CFAP74: variants seen among roughly 807,000 people sequenced by gnomAD.
The protein encoded by CFAP74 is cilia- and flagella-associated protein 74.
CFAP74 carries 124 observed loss-of-function variants against 188.9 expected under a neutral mutation model. That is an observed-to-expected ratio of 0.66 (90% CI 0.57 to 0.76). CFAP74 has a LOEUF of 0.76. CFAP74 is among the 30% of genes least tolerant of loss of function. CFAP74 has a pLI of 0.00. For synonymous variants in CFAP74, 956 were observed against 916.7 expected, an observed-to-expected ratio of 1.04 and a Z score of -0.77; for missense variants, 2,198 against 2,165.2, an observed-to-expected ratio of 1.02 and a Z score of -0.30.
At chr1:1,949,459 G>A (rs749478356) in intron 18 of CFAP74, among the ~76,000 whole-genome samples, 12 of 151,982 alleles carry the variant, frequency 7.9e-5, no homozygotes, top group Non-Finnish European at 1.5e-4. Context: ...CCGGCCAACC[G>A]CAGTACTTTC....
chr1:1,971,854 T>G, intron 9 of CFAP74, 126 bp downstream of exon 9: 1 of 704,290 alleles, frequency 1.4e-6, no homozygotes, highest in East Asian at 2.7e-5. Context: ...CCTCCAGGGG[T>G]CACCAAGTGC....
chr1:1,957,414 C>T (rs929977059), intron 16 of CFAP74, among the ~76,000 whole-genome samples: 8 of 152,226 alleles, frequency 5.3e-5, no homozygotes, highest in African/African-American at 9.6e-5. Context: ...TCGCAGAGGG[C>T]GGTCGGGGTC....
intron 4 of CFAP74, 26 bp downstream of exon 4, chr1:1,988,486 G>A: frequency 1.2e-6 from 2 of 1,606,840 alleles, no homozygotes; most frequent in Non-Finnish European, 8.5e-7. Context: ...AGAGGTGCAG[G>A]TGCAGCGGCC....
chr1:1,938,617 CCCA>C (rs1186002747), intron 25 of CFAP74, among the ~76,000 whole-genome samples: 2 of 152,154 alleles, frequency 1.3e-5, no homozygotes, highest in African/African-American at 2.4e-5. Flanking sequence ...TACATACACA[CCCA>C]CGACACACAC....
At chr1:1,989,259 C>T (rs745855861) in intron 2 of CFAP74, among the ~76,000 whole-genome samples, 1 of 152,196 alleles carries the variant, frequency 6.6e-6, no homozygotes, top group Non-Finnish European at 1.5e-5. Flanking sequence ...AAGAGTTAAG[C>T]TGCTGACCCT....
intron 1 of CFAP74, among the ~76,000 whole-genome samples, chr1:1,993,788 C>T (rs1000210071): frequency 2.9e-3 from 36 of 12,212 alleles, no homozygotes; most frequent in African/African-American, 8.4e-3. Flanking sequence ...CGAGACCATC[C>T]TGGCTAACAC....
Position 1,922,719 on chromosome 1 carries a change from A to T in CFAP74, c.4688T>A (p.Val1563Asp). The change falls in exon 38 of 39, where the codon GTT (valine) becomes GAT (aspartate). Residue 1563 changes from valine to aspartate, a missense_variant. By Grantham distance (152) the Val-to-Asp change is radical. Coordinates refer to ENST00000682832, the MANE Select transcript of CFAP74 (RefSeq NM_001304360.2). ...RTTQPSPKKT[V>D]EFSIDSVASL... Reference sequence around the variant, plus strand: ...TGCGACGCTGTCTATGCTGAACTCAACGGTCTGTGGGGTATGGGGCTCCTG... The same window carrying T: ...TGCGACGCTGTCTATGCTGAACTCATCGGTCTGTGGGGTATGGGGCTCCTG... 6.2e-7 allele frequency: 1 copy of T among 1,602,326 alleles called. No individual in the cohort carries two copies. The highest frequency in any genetic ancestry group is 8.5e-7 in the Non-Finnish European group (1 of 1,173,934).
chr1:1,981,541 C>T (rs1320334011), intron 6 of CFAP74, among the ~76,000 whole-genome samples: 1 of 124,698 alleles, frequency 8.0e-6, no homozygotes, highest in Non-Finnish European at 1.6e-5. Flanking sequence ...GACACACAGC[C>T]GCGGACAGAC....
At position 1,969,702 on chromosome 1, in the gene CFAP74, A is replaced by AC. The variant is rs894721874; in HGVS notation, c.1047-870dup. On this transcript the variant is annotated intron_variant, in intron 10 of 38. Transcript: ENST00000682832. ...TATAGGCGGTGGAGCTGCTGCCAGG[A>AC]CCCCCCCGCCCAGGTGGGCAGGCTG... is the stretch of plus-strand genomic sequence containing the variant. Among the ~76,000 whole-genome samples the AC allele has an allele frequency of 1.1e-3, 166 of 151,310 alleles. 1 individual carries two copies. The Middle Eastern group carries it at 0.024, about 22-fold the overall frequency.
At chr1:1,936,530 G>A (rs1489558612) in intron 25 of CFAP74, among the ~76,000 whole-genome samples, 2 of 151,860 alleles carry the variant, frequency 1.3e-5, no homozygotes, top group East Asian at 1.9e-4. Context: ...GCGAGAGAGC[G>A]AGAGTCCATC....
chr1:2,003,498 C>A (rs944610347), intron 1 of CFAP74, among the ~76,000 whole-genome samples: 1 of 152,164 alleles, frequency 6.6e-6, no homozygotes, highest in Non-Finnish European at 1.5e-5. Flanking sequence ...GCTGCAAAGT[C>A]AGGGGCGGGT....
At chr1:1,930,565 T>C (rs1254907414) in intron 25 of CFAP74, among the ~76,000 whole-genome samples, 3 of 152,202 alleles carry the variant, frequency 2.0e-5, no homozygotes, top group Non-Finnish European at 2.9e-5. Context: ...ATTTATTCAT[T>C]TATAAATAGA....
chr1:1,987,918 A>G (rs1657345121), intron 4 of CFAP74: 1 of 342,046 alleles, frequency 2.9e-6, no homozygotes, highest in Non-Finnish European at 5.8e-6. Context: ...GAAGTACCCA[A>G]GTTAGGTGCC....
chr1:1,939,526 C>A, intron 24 of CFAP74, 68 bp downstream of exon 24: 1 of 1,434,870 alleles, frequency 7.0e-7, no homozygotes, highest in South Asian at 1.3e-5. Context: ...GAGCAGTGGC[C>A]GCTGCATCCT....
rs1282212148 is a variant in CFAP74, at chr1:1,926,941, G to A, written c.3615C>T (p.Ala1205=). 1 of 1,550,258 alleles carries A rather than the reference G, an allele frequency of 6.5e-7. No homozygotes were observed. Among genetic ancestry groups the A allele is most frequent in the South Asian group, 1.2e-5 (1 of 84,064 alleles). ...FDTFVVPCVV[A]SGDIKDRKGS... The stretch of plus-strand genomic sequence containing the variant: ...CCTTCCTGTCTTTGATGTCGCCACT[G>A]GCAACAACACAGGGAACTACAAATG... Residue 1205 remains alanine (A), a synonymous_variant, in exon 29 of 39, where the codon GCC becomes GCT. Coordinates refer to ENST00000682832, the MANE Select transcript of CFAP74 (RefSeq NM_001304360.2).
In CFAP74 at chr1:1,944,355, T is replaced by C; in HGVS notation, c.2462A>G (p.Gln821Arg). The change falls in exon 21 of 39, where the codon CAG (glutamine) becomes CGG (arginine). Residue 821 changes from glutamine to arginine, a missense_variant. Transcript: ENST00000682832. The part of the protein sequence containing the change: ...LKICMYDRLY[Q>R]DSVLVHTRSK... ...CCGCGTGTGCACGAGCACAGAGTCCTGGTAGAGCCGGTCATACATGCAGAT... is the reference window on the plus strand; with the variant it reads ...CCGCGTGTGCACGAGCACAGAGTCCCGGTAGAGCCGGTCATACATGCAGAT... 1.3e-6 allele frequency: 2 copies of C among 1,535,796 alleles called. No individual in the cohort carries two copies. Among genetic ancestry groups the C allele is most frequent in the Non-Finnish European group, 8.7e-7 (1 of 1,146,856 alleles).
chr1:1,972,858 A>ATAG, intron 8 of CFAP74, 79 bp downstream of exon 8: 1 of 941,260 alleles, frequency 1.1e-6, no homozygotes. Flanking sequence ...ATAAATAATA[A>ATAG]AATCAGGGCA....
intron 22 of CFAP74, among the ~76,000 whole-genome samples, chr1:1,941,639 G>A (rs1380351343): frequency 6.6e-6 from 1 of 152,110 alleles, no homozygotes; most frequent in Non-Finnish European, 1.5e-5. Context: ...TGCACGGACC[G>A]CAGGGTACCC....
rs575332337 is a variant in CFAP74 at position 1,968,410 on chromosome 1, C to G, written c.1245+225G>C. Reference sequence around the variant, plus strand: ...AGACCAGGAGGACACTGGACCCTTGCTGGGGATGCTGCGGCCATGGGCCTC... The same window carrying G: ...AGACCAGGAGGACACTGGACCCTTGGTGGGGATGCTGCGGCCATGGGCCTC... On this transcript the variant is annotated intron_variant, in intron 11 of 38. Transcript: ENST00000682832. The surrounding 1 kb of genome is among the most constrained non-coding windows in gnomAD (Gnocchi z 4.3). Among the ~76,000 whole-genome samples the G allele has an allele frequency of 6.6e-6, 1 of 152,060 alleles. No homozygotes were observed. The highest frequency in any genetic ancestry group is 2.1e-4 in the South Asian group (1 of 4,804).
Sources: allele counts gnomAD v4.1 joint callset (sites outside exome capture counted in the v4.1 genomes callset), GRCh38; gene constraint gnomAD v4.1.1; non-coding constraint Gnocchi (gnomAD v3.1); transcripts MANE v1.5; gene names NCBI Gene and HGNC (gene_info 2026-07-23, HGNC 2026-07-21).